Variants in NOX3 observed in about 807,000 individuals in gnomAD.
NOX3 encodes NADPH oxidase 3.
A neutral mutation model predicts 76.7 loss-of-function variants in NOX3; 74 were observed. The observed-to-expected ratio is 0.96, with a 90% CI of 0.80 to 1.17. The LOEUF (loss-of-function observed/expected upper bound fraction) is 1.17, where lower values mean the gene tolerates loss of function less well. Among genes scored for constraint, NOX3 ranks in the 50% most tolerant of loss-of-function variants. The probability of loss-of-function intolerance (pLI) is 0.00; values close to 1 mark genes in which losing one functional copy is unlikely to be tolerated. For missense variants in NOX3, 695 were observed against 703.3 expected (o/e 0.99, Z 0.13); for synonymous variants, 263 against 261.1 (o/e 1.01, Z -0.07).
chr6:155,412,248 C>T (rs1262746797), intron 10 of NOX3, among the ~76,000 whole-genome samples: 1 of 152,068 alleles, frequency 6.6e-6, no homozygotes, highest in East Asian at 1.9e-4. Context: ...CTGGTAAATC[C>T]CCACCTGGAA....
At chr6:155,402,817 A>C (rs1474278069) in intron 12 of NOX3, among the ~76,000 whole-genome samples, 1 of 152,216 alleles carries the variant, frequency 6.6e-6, no homozygotes, top group Non-Finnish European at 1.5e-5. Context: ...CGTGCTGATG[A>C]ATAGAAATGG....
intron 7 of NOX3, among the ~76,000 whole-genome samples, chr6:155,432,261 A>G (rs943344404): frequency 2.0e-5 from 3 of 152,094 alleles, no homozygotes; most frequent in Non-Finnish European, 4.4e-5. Context: ...GAAAATCCTG[A>G]CATTCTGGGA....
chr6:155,449,706 C>T (rs2114709577), intron 4 of NOX3, among the ~76,000 whole-genome samples: 1 of 152,306 alleles, frequency 6.6e-6, no homozygotes, highest in Non-Finnish European at 1.5e-5. Flanking sequence ...TTAAAGCCTG[C>T]AGTTCAGCTT....
At position 155,429,101 on chromosome 6, in the gene NOX3, A is replaced by T. The variant is rs932915051; in HGVS notation, c.892-54T>A. The T allele has an allele frequency of 9.7e-6, 14 of 1,441,856 alleles. No homozygotes were observed. The African/African-American group carries it at 1.6e-4, about 16-fold the overall frequency. The allele number at this position is 1,441,856 out of a possible 1,614,324, so 89.3% of individuals were successfully genotyped here. A position where few individuals can be genotyped will look rare whatever the true frequency, so the allele number is the denominator to read the frequency against. ...TTTGTCCTCGAAATAATAAAGAAAC[A>T]CCTTTCATTCCATCAAAGGTGTTGA... On this transcript the variant is annotated intron_variant, in intron 8 of 13. Coordinates refer to ENST00000159060, the MANE Select transcript of NOX3 (RefSeq NM_015718.3).
chr6:155,411,479 A>G, intron 10 of NOX3, 119 bp from the exon 11 acceptor site: 1 of 907,948 alleles, frequency 1.1e-6, no homozygotes, highest in Non-Finnish European at 1.6e-6. Context: ...GCAAAATAAC[A>G]TGCTTTTTTT....
At chr6:155,401,172 A>G in intron 12 of NOX3, among the ~76,000 whole-genome samples, 1 of 152,132 alleles carries the variant, frequency 6.6e-6, no homozygotes, top group East Asian at 1.9e-4. Context: ...TCCACCCTGT[A>G]CTCACCCATC....
At chr6:155,412,597 T>C (rs141912801) in intron 10 of NOX3, among the ~76,000 whole-genome samples, 7 of 152,298 alleles carry the variant, frequency 4.6e-5, no homozygotes, top group Admixed American at 1.3e-4. Context: ...CTAAGCACAA[T>C]GACCTGCTTT....
intron 7 of NOX3, among the ~76,000 whole-genome samples, chr6:155,435,117 A>G (rs902470388): frequency 3.3e-5 from 5 of 152,138 alleles, no homozygotes; most frequent in African/African-American, 1.2e-4. Flanking sequence ...TTGAATCAGG[A>G]TCCATTACAA....
chr6:155,429,105 T>G, intron 8 of NOX3, 58 bp from the exon 9 acceptor site: 1 of 1,437,710 alleles, frequency 7.0e-7, no homozygotes, highest in South Asian at 1.7e-5. Context: ...AGAAACACCT[T>G]TCATTCCATC....
chr6:155,412,001 T>C (rs1030248549), intron 10 of NOX3, among the ~76,000 whole-genome samples: 1 of 152,030 alleles, frequency 6.6e-6, no homozygotes, highest in Non-Finnish European at 1.5e-5. Context: ...ATTAAGCAAA[T>C]GGCATGTGAC....
intron 10 of NOX3, among the ~76,000 whole-genome samples, chr6:155,421,160 C>T (rs1005257087): frequency 2.6e-5 from 4 of 152,128 alleles, no homozygotes; most frequent in Admixed American, 2.6e-4. Flanking sequence ...GTCACGTCTA[C>T]CATGTGTTGG....
At chr6:155,429,759 C>A (rs923983642) in intron 8 of NOX3, among the ~76,000 whole-genome samples, 2 of 152,176 alleles carry the variant, frequency 1.3e-5, no homozygotes, top group Non-Finnish European at 1.5e-5. Context: ...CTCCTGTCTT[C>A]TTTTGTGACA....
Position 155,453,443 on chromosome 6 carries a change from A to G in NOX3, c.301T>C (p.Phe101Leu). ...WRRQLDKNLR[F>L]HKLVAYGIAV... ...ATCCCATAGGCGACCAGTTTGTGAA[A>G]TCTGAGGTTTTTGTCTAATTGCCTC... The change falls in exon 4 of 14, where the codon TTT (phenylalanine) becomes CTT (leucine). Residue 101 changes from phenylalanine to leucine, a missense_variant. Coordinates refer to ENST00000159060, the MANE Select transcript of NOX3 (RefSeq NM_015718.3). 4 of 1,613,958 alleles carry G rather than the reference A, an allele frequency of 2.5e-6. No individual in the cohort carries two copies. The highest frequency in any genetic ancestry group is 2.5e-6 in the Non-Finnish European group (3 of 1,179,806).
chr6:155,425,124 T>A (rs1776740536), intron 9 of NOX3, among the ~76,000 whole-genome samples: 1 of 152,212 alleles, frequency 6.6e-6, no homozygotes, highest in African/African-American at 2.4e-5. Flanking sequence ...CAATTTGTTC[T>A]CATGTCTTAC....
chr6:155,399,558 C>A (rs1779192185), intron 12 of NOX3, among the ~76,000 whole-genome samples: 1 of 152,218 alleles, frequency 6.6e-6, no homozygotes, highest in African/African-American at 2.4e-5. Context: ...CAGCCCTTCA[C>A]TGGCTCTCTG....
chr6:155,425,939 G>A (rs1262563237), intron 9 of NOX3, among the ~76,000 whole-genome samples: 1 of 151,788 alleles, frequency 6.6e-6, no homozygotes, highest in Non-Finnish European at 1.5e-5. Flanking sequence ...TCTTTTTTTG[G>A]GCTTGCTTCC....
At chr6:155,414,542 A>G (rs1205570213) in intron 10 of NOX3, among the ~76,000 whole-genome samples, 2 of 152,092 alleles carry the variant, frequency 1.3e-5, no homozygotes, top group African/African-American at 2.4e-5. Context: ...GTAAAATAAC[A>G]AAAGTTCTGA....
chr6:155,408,520 A>C (rs1417573968), intron 11 of NOX3, among the ~76,000 whole-genome samples: 1 of 152,094 alleles, frequency 6.6e-6, no homozygotes, highest in Non-Finnish European at 1.5e-5. Flanking sequence ...TTCCTGGCTG[A>C]CCTTCTCTCC....
chr6:155,448,142 T>C (rs1777088853), intron 4 of NOX3, among the ~76,000 whole-genome samples: 1 of 152,204 alleles, frequency 6.6e-6, no homozygotes, highest in South Asian at 2.1e-4. Flanking sequence ...AGGCCCTTTT[T>C]TTCCCATCTG....
Sources: allele counts gnomAD v4.1 joint callset (sites outside exome capture counted in the v4.1 genomes callset), GRCh38; gene constraint gnomAD v4.1.1; transcripts MANE v1.5; gene names NCBI Gene and HGNC (gene_info 2026-07-23, HGNC 2026-07-21).